Variants in WDPCP observed in about 807,000 individuals in gnomAD.
WDPCP encodes WD repeat containing planar cell polarity effector.
Under a neutral mutation model 93.1 loss-of-function variants are expected in WDPCP, and 71 were observed. The ratio of observed to expected loss-of-function variants is 0.76; its 90% CI spans 0.63 to 0.93. The LOEUF (loss-of-function observed/expected upper bound fraction) is 0.93, where lower values mean the gene tolerates loss of function less well. Ranked by LOEUF, WDPCP falls within the 40% of genes least tolerant of loss-of-function variation. WDPCP has a pLI of 0.00. For synonymous variants in WDPCP, 315 were observed against 315.0 expected (o/e 1.00, Z 0.00); for missense variants, 844 against 887.4 (o/e 0.95, Z 0.62).
Position 63,303,545 on chromosome 2 carries a change from A to G in WDPCP, c.1812+9703T>C, listed in dbSNP as rs1296896715. On this transcript the variant is annotated intron_variant, in intron 13 of 17. Transcript: ENST00000272321. ...GTTGGGGCTGCAGTTTCTAAGCTAG[A>G]AAAAGACTCAGAAGTTAGCATGATA... is the stretch of plus-strand genomic sequence containing the variant. Among the ~76,000 whole-genome samples the G allele has an allele frequency of 2.0e-5, 3 of 152,182 alleles. No homozygotes were observed. In the East Asian group the frequency reaches 5.8e-4, roughly 29 times the overall value.
intron 14 of WDPCP, among the ~76,000 whole-genome samples, chr2:63,200,974 A>G (rs1480047679): frequency 2.0e-5 from 3 of 152,232 alleles, no homozygotes; most frequent in Middle Eastern, 3.4e-3. Context: ...CAGGGGCTAA[A>G]TGATATGGTT....
At chr2:63,177,664 T>A (rs1673919843) in intron 14 of WDPCP, among the ~76,000 whole-genome samples, 1 of 152,156 alleles carries the variant, frequency 6.6e-6, no homozygotes. Flanking sequence ...TTAAGATATC[T>A]ATAACCAGAG....
chr2:63,712,532 T>G (rs1345134717), intron 2 of WDPCP, among the ~76,000 whole-genome samples: 2 of 152,170 alleles, frequency 1.3e-5, no homozygotes, highest in East Asian at 3.8e-4. Flanking sequence ...AGATTGAGAC[T>G]TAAGGTTTTA....
intron 15 of WDPCP, among the ~76,000 whole-genome samples, chr2:63,171,530 A>T (rs1159152204): frequency 6.6e-6 from 1 of 152,220 alleles, no homozygotes; most frequent in Non-Finnish European, 1.5e-5. Flanking sequence ...CATTGACAAT[A>T]TTAAATATTG....
At chr2:63,759,265 C>T (rs1670017446) in intron 2 of WDPCP, among the ~76,000 whole-genome samples, 2 of 152,170 alleles carry the variant, frequency 1.3e-5, no homozygotes, top group African/African-American at 4.8e-5. Context: ...TTTTAAAGGA[C>T]TGCCCCCTAA....
At chr2:63,529,743 G>A (rs1703667815) in intron 1 of WDPCP, among the ~76,000 whole-genome samples, 1 of 150,550 alleles carries the variant, frequency 6.6e-6, no homozygotes, top group African/African-American at 2.4e-5. Context: ...ATGAGTTAGG[G>A]ATTGATTGGA....
chr2:63,314,784 T>C (rs1191366109), intron 12 of WDPCP, among the ~76,000 whole-genome samples: 1 of 152,140 alleles, frequency 6.6e-6, no homozygotes, highest in Non-Finnish European at 1.5e-5. Flanking sequence ...ACCTCCGGGA[T>C]CCATCTCTTC....
chr2:63,381,105 T>C (rs1257023413), intron 11 of WDPCP, among the ~76,000 whole-genome samples: 4 of 152,128 alleles, frequency 2.6e-5, no homozygotes, highest in African/African-American at 7.2e-5. Context: ...TTTTCCACCA[T>C]TAATGTCAAT....
At chr2:63,275,050 A>G (rs574459626) in intron 13 of WDPCP, among the ~76,000 whole-genome samples, 2 of 152,168 alleles carry the variant, frequency 1.3e-5, no homozygotes, top group Non-Finnish European at 2.9e-5. Context: ...ACACAGTTGC[A>G]AAAATCCTCA....
At chr2:63,425,164 G>T (rs1425707413) in intron 9 of WDPCP, among the ~76,000 whole-genome samples, 1 of 152,170 alleles carries the variant, frequency 6.6e-6, no homozygotes, top group Non-Finnish European at 1.5e-5. Flanking sequence ...AAAGCCTATT[G>T]ACTATACTCA....
chr2:63,226,516 C>G (rs545949151), intron 14 of WDPCP, among the ~76,000 whole-genome samples: 15 of 151,900 alleles, frequency 9.9e-5, no homozygotes, highest in South Asian at 2.1e-4. Flanking sequence ...TACCTTACAT[C>G]GAATAAACAG....
At chr2:63,721,107 C>A (rs1041713389) in intron 2 of WDPCP, among the ~76,000 whole-genome samples, 6 of 152,212 alleles carry the variant, frequency 3.9e-5, no homozygotes, top group African/African-American at 7.2e-5. Context: ...ACTACCTTGA[C>A]AATTTTTGTT....
chr2:63,604,519 T>C (rs1051083033), intron 3 of WDPCP, among the ~76,000 whole-genome samples: 3 of 152,258 alleles, frequency 2.0e-5, no homozygotes, highest in African/African-American at 7.2e-5. Flanking sequence ...ACTGTTAAGC[T>C]GTTGTAGGAA....
intron 14 of WDPCP, among the ~76,000 whole-genome samples, chr2:63,179,696 A>AT (rs930221122): frequency 1.3e-5 from 2 of 151,776 alleles, no homozygotes; most frequent in African/African-American, 2.4e-5. Flanking sequence ...ACACAGGAAC[A>AT]TTTTTTTCAT....
rs541947368 is a variant in WDPCP at position 63,428,278 on chromosome 2, A to G, written c.825+5467T>C. On this transcript the variant is annotated intron_variant, in intron 9 of 17. Coordinates refer to ENST00000272321, the MANE Select transcript of WDPCP (RefSeq NM_015910.7). ...GATACCAAAATCTGGCAGAGACACA[A>G]CAAAAAAAGAAAACTTCAGGCCAAT... Among the ~76,000 whole-genome samples, 13 of 152,252 alleles carry G rather than the reference A, an allele frequency of 8.5e-5. 1 individual carries two copies. The highest frequency in any genetic ancestry group is 1.5e-5 in the Non-Finnish European group (1 of 68,012).
chr2:63,630,784 A>C (rs558204400), intron 3 of WDPCP, among the ~76,000 whole-genome samples: 52 of 152,210 alleles, frequency 3.4e-4, no homozygotes, highest in Non-Finnish European at 6.5e-4. Flanking sequence ...CCCTCCAAAC[A>C]GCAAAGTATG....
At chr2:63,240,537 C>T (rs1015136532) in intron 14 of WDPCP, among the ~76,000 whole-genome samples, 1 of 152,122 alleles carries the variant, frequency 6.6e-6, no homozygotes, top group Non-Finnish European at 1.5e-5. Flanking sequence ...TGTCCATCCA[C>T]ATTTTGGAAT....
At chr2:63,530,894 C>T (rs1437619524) in intron 1 of WDPCP, among the ~76,000 whole-genome samples, 1 of 152,036 alleles carries the variant, frequency 6.6e-6, no homozygotes, top group East Asian at 1.9e-4. Context: ...GCGGGCATTG[C>T]CTCATCCAGG....
chr2:63,804,673 T>G (rs1485260163), intron 2 of WDPCP, among the ~76,000 whole-genome samples: 1 of 151,734 alleles, frequency 6.6e-6, no homozygotes, highest in Non-Finnish European at 1.5e-5. Context: ...ACTCAAGATC[T>G]CTCTTCCTAC....
Sources: gnomAD v4.1 joint callset for allele counts (sites outside exome capture counted in the v4.1 genomes callset) on GRCh38, gnomAD v4.1.1 for gene constraint, MANE v1.5 for transcripts, NCBI Gene and HGNC (gene_info 2026-07-23, HGNC 2026-07-21) for gene names.